Variants in TEN1 observed in about 807,000 individuals in gnomAD.
TEN1 encodes TEN1 subunit of CST complex, also known as CST complex subunit TEN1.
TEN1 carries 6 observed loss-of-function variants against 9.3 expected under a neutral mutation model. That is an observed-to-expected ratio of 0.65 (90% CI 0.35 to 1.27). The LOEUF (loss-of-function observed/expected upper bound fraction) is 1.27, where lower values mean the gene tolerates loss of function less well. TEN1 is among the 50% of genes most tolerant of loss of function. TEN1 has a pLI of 0.03. For synonymous variants in TEN1, 65 were observed against 65.6 expected (o/e 0.99, Z 0.04); for missense variants, 149 against 158.2 (o/e 0.94, Z 0.31).
At chr17:75,982,779 C>T (rs1255709880) in intron 1 of TEN1, among the ~76,000 whole-genome samples, 8 of 151,494 alleles carry the variant, frequency 5.3e-5, no homozygotes, top group Admixed American at 3.9e-4. Context: ...GGCATGATCT[C>T]GGCTCACTGC....
intron 3 of TEN1, among the ~76,000 whole-genome samples, chr17:75,993,260 C>T (rs532772184): frequency 1.3e-5 from 2 of 151,830 alleles, no homozygotes; most frequent in African/African-American, 2.4e-5. Context: ...TGCGCCACCA[C>T]GCCTGGCTAA....
intron 1 of TEN1, among the ~76,000 whole-genome samples, chr17:75,982,376 C>A (rs1443679895): frequency 6.6e-6 from 1 of 152,206 alleles, no homozygotes; most frequent in Non-Finnish European, 1.5e-5. Context: ...AATTTGTACA[C>A]ATTTTTGACT....
intron 3 of TEN1, among the ~76,000 whole-genome samples, chr17:75,992,576 G>A (rs1255561198): frequency 5.3e-5 from 8 of 151,764 alleles, no homozygotes; most frequent in South Asian, 2.1e-4. Flanking sequence ...GCAGTGGCGC[G>A]ATCTCGGCTC....
chr17:75,996,417 G>A (rs540659830), intron 3 of TEN1, among the ~76,000 whole-genome samples: 4 of 152,092 alleles, frequency 2.6e-5, no homozygotes, highest in African/African-American at 7.2e-5. Context: ...ACTGGGAGGC[G>A]GAGGTTGCAG....
intron 1 of TEN1, among the ~76,000 whole-genome samples, chr17:75,981,006 G>A (rs118006976): frequency 1.8e-4 from 28 of 152,252 alleles, no homozygotes; most frequent in Non-Finnish European, 3.2e-4. Flanking sequence ...TGACCTTCTA[G>A]TTCTAATATT....
intron 2 of TEN1, among the ~76,000 whole-genome samples, chr17:75,988,582 A>AAAAAAAAAAAAAAAG (rs1567896637): frequency 7.1e-6 from 1 of 140,224 alleles, no homozygotes; most frequent in African/African-American, 3.0e-5. Context: ...AAAAAAAAAA[A>AAAAAAAAAAAAAAAG]AAAAAGAAAA....
chr17:75,997,415 C>T (rs1032020132), intron 3 of TEN1, among the ~76,000 whole-genome samples: 75 of 152,222 alleles, frequency 4.9e-4, no homozygotes, highest in African/African-American at 1.8e-3. Context: ...AACCCACTTC[C>T]TCTCCTCCCC....
chr17:75,979,555 G>C lies in TEN1; in HGVS notation c.-7+44G>C, dbSNP rs2066098143. On this transcript the variant is annotated intron_variant, in intron 1 of 3. Transcript: ENST00000397640. ...AAGGGGGCGGGACAACGAGGCTGAG[G>C]AGGGATTGCGCCTGCACTTGCCCCC... is the stretch of plus-strand genomic sequence containing the variant. 17 of 285,072 alleles carry C rather than the reference G, an allele frequency of 6.0e-5. 1 individual carries two copies. The highest frequency in any genetic ancestry group is 4.9e-4 in the South Asian group (16 of 32,638). 17.7% of individuals were successfully genotyped at this position (285,072 alleles called of 1,614,324 possible).
chr17:75,985,871 A>AC (rs1420954305), intron 1 of TEN1, among the ~76,000 whole-genome samples: 1 of 108,578 alleles, frequency 9.2e-6, no homozygotes, highest in Non-Finnish European at 1.7e-5. Flanking sequence ...TATTATATCA[A>AC]AAAAATTTTT....
At chr17:75,994,764 C>T (rs2066208909) in intron 3 of TEN1, among the ~76,000 whole-genome samples, 2 of 152,132 alleles carry the variant, frequency 1.3e-5, no homozygotes, top group African/African-American at 4.8e-5. Context: ...GCGTGAGCCA[C>T]CGCGCCCGGC....
chr17:75,982,013 T>A (rs555048422), intron 1 of TEN1, among the ~76,000 whole-genome samples: 1 of 152,018 alleles, frequency 6.6e-6, no homozygotes, highest in East Asian at 1.9e-4. Context: ...GGCGACAGAG[T>A]GAGACTCTGT....
chr17:75,995,511 A>G (rs1365317281), intron 3 of TEN1, among the ~76,000 whole-genome samples: 1 of 152,174 alleles, frequency 6.6e-6, no homozygotes, highest in Non-Finnish European at 1.5e-5. Flanking sequence ...CCCTTCTCAA[A>G]TGTTTGCCTA....
chr17:75,979,316 G>C lies in TEN1; in HGVS notation c.-202G>C, dbSNP rs1024686620. The C allele has an allele frequency of 3.3e-6, 2 of 613,110 alleles. No homozygotes were observed. The highest frequency in any genetic ancestry group is 3.7e-5 in the African/African-American group (2 of 54,508). The allele number at this position is 613,110 out of a possible 1,614,324, so 38.0% of individuals were successfully genotyped here. On this transcript the variant is annotated 5_prime_UTR_variant, in exon 1 of 4. Transcript: ENST00000397640. ...CGTGGCTGGGGCCGGTCGCGGGGCA[G>C]ACTAATCCCCTGCTCCTGGCCAGGG...
chr17:75,996,059 C>G (rs2066216374), intron 3 of TEN1, among the ~76,000 whole-genome samples: 1 of 151,996 alleles, frequency 6.6e-6, no homozygotes, highest in Admixed American at 6.6e-5. Context: ...CCACTGCACT[C>G]CAACCTGGGT....
intron 1 of TEN1, among the ~76,000 whole-genome samples, chr17:75,981,187 G>C (rs1467289061): frequency 6.6e-6 from 1 of 150,640 alleles, no homozygotes; most frequent in African/African-American, 2.4e-5. Context: ...TGACTTTAAC[G>C]CTTTTTTTTT....
intron 3 of TEN1, among the ~76,000 whole-genome samples, chr17:75,993,218 C>A (rs1003292937): frequency 3.3e-5 from 5 of 151,806 alleles, no homozygotes; most frequent in African/African-American, 1.2e-4. Flanking sequence ...ATTCTCCTGC[C>A]TCAGCCTTCC....
At chr17:75,985,781 C>A (rs1016117127) in intron 1 of TEN1, among the ~76,000 whole-genome samples, 1 of 152,064 alleles carries the variant, frequency 6.6e-6, no homozygotes, top group Non-Finnish European at 1.5e-5. Flanking sequence ...GCCTCAGCCT[C>A]CCAAAGTGCT....
chr17:75,985,348 A>G (rs997264762), intron 1 of TEN1, among the ~76,000 whole-genome samples: 1 of 151,818 alleles, frequency 6.6e-6, no homozygotes, highest in Non-Finnish European at 1.5e-5. Context: ...GGCTGTTGCC[A>G]TGTTGCCCAG....
At chr17:75,990,351 A>G (rs2066177422) in intron 2 of TEN1, among the ~76,000 whole-genome samples, 1 of 151,964 alleles carries the variant, frequency 6.6e-6, no homozygotes, top group Non-Finnish European at 1.5e-5. Flanking sequence ...GCCCAGCTAG[A>G]TATTCTTATG....
Sources: gnomAD v4.1 joint callset for allele counts (sites outside exome capture counted in the v4.1 genomes callset) on GRCh38, gnomAD v4.1.1 for gene constraint, MANE v1.5 for transcripts, NCBI Gene and HGNC (gene_info 2026-07-23, HGNC 2026-07-21) for gene names.